The following THEMIS variants were observed in gnomAD, a reference collection of about 807,000 sequenced individuals.
The protein encoded by THEMIS is protein THEMIS.
Under a neutral mutation model 52.6 loss-of-function variants are expected in THEMIS, and 37 were observed. That is an observed-to-expected ratio of 0.70 (90% CI 0.54 to 0.93). The LOEUF (loss-of-function observed/expected upper bound fraction) is 0.93, where lower values mean the gene tolerates loss of function less well. Among genes scored for constraint, THEMIS ranks in the 40% least tolerant of loss-of-function variants. The probability of loss-of-function intolerance (pLI) is 0.00; values close to 1 mark genes in which losing one functional copy is unlikely to be tolerated. For synonymous variants in THEMIS, 292 were observed against 272.7 expected, an observed-to-expected ratio of 1.07 and a Z score of -0.70; for missense variants, 808 against 763.1, an observed-to-expected ratio of 1.06 and a Z score of -0.69.
At chr6:127,875,431 C>T (rs576308130) in intron 1 of THEMIS, among the ~76,000 whole-genome samples, 1 of 152,142 alleles carries the variant, frequency 6.6e-6, no homozygotes, top group African/African-American at 2.4e-5. Context: ...TTAGGGAAGT[C>T]AACATAGCAG....
intron 1 of THEMIS, among the ~76,000 whole-genome samples, chr6:127,887,255 C>G (rs185849706): frequency 3.2e-4 from 49 of 152,084 alleles, no homozygotes; most frequent in African/African-American, 1.1e-3. Context: ...GACAAATAAA[C>G]TGCTAATAAG....
intron 1 of THEMIS, among the ~76,000 whole-genome samples, chr6:127,879,452 T>C (rs974645598): frequency 2.0e-5 from 3 of 152,062 alleles, no homozygotes; most frequent in Non-Finnish European, 4.4e-5. Flanking sequence ...GATTATCTGT[T>C]TCCTTATATT....
Position 127,813,466 on chromosome 6 carries a change from T to A in THEMIS, c.1175A>T (p.His392Leu). The A allele has an allele frequency of 6.2e-7, 1 of 1,614,092 alleles. No individual in the cohort carries two copies. Among genetic ancestry groups the A allele is most frequent in the South Asian group, 1.1e-5 (1 of 91,070 alleles). Residue 392 changes from histidine (H) to leucine (L), a missense_variant, in exon 4 of 6, where the codon CAT (histidine) becomes CTT (leucine). Physicochemically the swap from His to Leu is moderately conservative, Grantham distance 99. Coordinates refer to ENST00000368248, the MANE Select transcript of THEMIS (RefSeq NM_001010923.3). ...SVSVGDQFLV[H>L]QSETTEVLCE... ...GAGGACTTCAGTCGTCTCTGACTGA[T>A]GCACCAGAAACTGGTCCCCAACAGA...
chr6:127,814,513 G>C (rs1429318401), intron 3 of THEMIS, among the ~76,000 whole-genome samples: 1 of 152,104 alleles, frequency 6.6e-6, no homozygotes, highest in Non-Finnish European at 1.5e-5. Flanking sequence ...AGCTACTTGA[G>C]ATTAATATGC....
Position 127,813,719 on chromosome 6 carries a change from C to T in THEMIS, c.922G>A (p.Val308Met). 6.2e-7 allele frequency: 1 copy of T among 1,613,884 alleles called. No homozygotes were observed. The highest frequency in any genetic ancestry group is 8.5e-7 in the Non-Finnish European group (1 of 1,179,922). ...GATGCCTGGTACTTTTTGTGGATCA[C>T]AATGGTTTTCCCAGGCTGTAAAATG... Reference protein sequence around the residue: ...QSILQPGKTIVIHKKYQASRI... With the variant: ...QSILQPGKTIMIHKKYQASRI... Residue 308 changes from valine to methionine, a missense_variant, in exon 4 of 6, where the codon GTG becomes ATG. Coordinates refer to ENST00000368248, the MANE Select transcript of THEMIS (RefSeq NM_001010923.3).
At chr6:127,817,428 CACTTA>C (rs1219822395) in intron 3 of THEMIS, among the ~76,000 whole-genome samples, 1 of 152,156 alleles carries the variant, frequency 6.6e-6, no homozygotes, top group East Asian at 1.9e-4. Flanking sequence ...GTTGCAGTTT[CACTTA>C]AACAATGGCC....
intron 4 of THEMIS, among the ~76,000 whole-genome samples, chr6:127,731,720 T>C (rs938055945): frequency 1.4e-5 from 2 of 139,348 alleles, no homozygotes; most frequent in South Asian, 2.3e-4. Flanking sequence ...TTTTTTGAGA[T>C]GGAGTCTCGC....
intron 2 of THEMIS, among the ~76,000 whole-genome samples, chr6:127,850,383 T>C (rs1011275675): frequency 6.6e-6 from 1 of 151,862 alleles, no homozygotes; most frequent in Admixed American, 6.6e-5. Flanking sequence ...ATTCCATTAC[T>C]GCATATCTAC....
chr6:127,875,244 A>C lies in THEMIS; in HGVS notation c.92-20056T>G, dbSNP rs375163477. Among the ~76,000 whole-genome samples, 3 of 152,212 alleles carry C rather than the reference A, an allele frequency of 2.0e-5. No homozygotes were observed. The East Asian group carries it at 5.8e-4, about 29-fold the overall frequency. ...TTCTTACAACTGCATATGAATCTGCATTCATCTCAAAATAAAGAGTTTATT... is the reference window on the plus strand; with the variant it reads ...TTCTTACAACTGCATATGAATCTGCCTTCATCTCAAAATAAAGAGTTTATT... On this transcript the variant is annotated intron_variant, in intron 1 of 5. Coordinates refer to ENST00000368248, the MANE Select transcript of THEMIS (RefSeq NM_001010923.3).
At chr6:127,700,414 T>G in the THEMIS span, among the ~76,000 whole-genome samples, 1 of 151,856 alleles carries the variant, frequency 6.6e-6, no homozygotes, top group African/African-American at 2.4e-5. Context: ...TCTAAAAAAG[T>G]ATAAATATCA....
At chr6:127,722,752 TCTAA>T (rs978661586) in intron 4 of THEMIS, among the ~76,000 whole-genome samples, 82 of 152,120 alleles carry the variant, frequency 5.4e-4, no homozygotes, top group Middle Eastern at 3.4e-3. Context: ...ATTCCTGTCG[TCTAA>T]CTGTGTGCCG....
At chr6:127,884,636 C>T (rs920587915) in intron 1 of THEMIS, among the ~76,000 whole-genome samples, 17 of 152,158 alleles carry the variant, frequency 1.1e-4, no homozygotes, top group African/African-American at 3.1e-4. Context: ...CTTTCTCATA[C>T]ACTTCTAGTA....
At chr6:127,811,396 C>T (rs1777902565) in intron 4 of THEMIS, among the ~76,000 whole-genome samples, 1 of 152,158 alleles carries the variant, frequency 6.6e-6, no homozygotes, top group African/African-American at 2.4e-5. Context: ...TTCATGATTC[C>T]TTTCCTCCAT....
intron 1 of THEMIS, among the ~76,000 whole-genome samples, chr6:127,906,874 G>A (rs1477651748): frequency 3.3e-5 from 5 of 151,634 alleles, no homozygotes; most frequent in Non-Finnish European, 7.4e-5. Context: ...CAAACTTTAC[G>A]TAAAATACCA....
chr6:127,748,451 T>C (rs1047940773), intron 4 of THEMIS, among the ~76,000 whole-genome samples: 1 of 152,034 alleles, frequency 6.6e-6, no homozygotes, highest in Non-Finnish European at 1.5e-5. Flanking sequence ...TCCAGTCCCA[T>C]GAGATCAAGA....
At chr6:127,768,148 G>A (rs978520716) in intron 4 of THEMIS, among the ~76,000 whole-genome samples, 1 of 152,020 alleles carries the variant, frequency 6.6e-6, no homozygotes, top group Non-Finnish European at 1.5e-5. Context: ...TTACATCTGA[G>A]GCTAGATATT....
upstream of THEMIS, among the ~76,000 whole-genome samples, chr6:127,905,489 A>G (rs1451566478): frequency 1.3e-5 from 2 of 152,022 alleles, no homozygotes; most frequent in Non-Finnish European, 2.9e-5. Context: ...TAAAAGAAAT[A>G]CTATAAAGGG....
chr6:127,879,763 G>A (rs1398495601), intron 1 of THEMIS, among the ~76,000 whole-genome samples: 1 of 152,002 alleles, frequency 6.6e-6, no homozygotes, highest in Non-Finnish European at 1.5e-5. Context: ...GGATGGAGAA[G>A]CTGCCTCTGG....
chr6:127,900,004 C>T (rs200061408), intron 1 of THEMIS, among the ~76,000 whole-genome samples: 12 of 150,602 alleles, frequency 8.0e-5, no homozygotes, highest in Non-Finnish European at 1.0e-4. Context: ...ATTTTGTCTA[C>T]GAACAAGAAA....
Sources: gnomAD v4.1 joint callset for allele counts (sites outside exome capture counted in the v4.1 genomes callset) on GRCh38, gnomAD v4.1.1 for gene constraint, MANE v1.5 for transcripts, NCBI Gene and HGNC (gene_info 2026-07-23, HGNC 2026-07-21) for gene names.